Variants in STRAP observed in about 807,000 individuals in gnomAD.
STRAP encodes the protein serine/threonine kinase receptor associated protein, also known as serine-threonine kinase receptor-associated protein.
A neutral mutation model predicts 47.0 loss-of-function variants in STRAP; 16 were observed. The ratio of observed to expected loss-of-function variants is 0.34; its 90% CI spans 0.23 to 0.52. The LOEUF (loss-of-function observed/expected upper bound fraction) is 0.52. STRAP is among the 20% of genes least tolerant of loss of function. The pLI is 0.96. For synonymous variants in STRAP, 130 were observed against 142.7 expected (o/e 0.91, Z 0.63); for missense variants, 293 against 420.0 (o/e 0.70, Z 2.64).
intron 1 of STRAP, chr12:15,883,088 G>C (rs1208570785): frequency 6.5e-7 from 1 of 1,535,552 alleles, no homozygotes. Flanking sequence ...TGAAGGAGCT[G>C]GTCAGCATTT....
intron 2 of STRAP, among the ~76,000 whole-genome samples, chr12:15,884,234 CT>C (rs1249023889): frequency 6.6e-6 from 1 of 152,218 alleles, no homozygotes; most frequent in Admixed American, 6.5e-5. Context: ...GGGATGTCTC[CT>C]GACTCCAATG....
At chr12:15,895,335 C>T (rs1213909306) in intron 5 of STRAP, 24 bp from the exon 6 acceptor site, 2 of 1,494,766 alleles carry the variant, frequency 1.3e-6, no homozygotes, top group Non-Finnish European at 1.8e-6. Flanking sequence ...GAGTAAACAT[C>T]ATATTTTTAT....
In STRAP at chr12:15,889,835, C is replaced by G. The variant is rs896962755; in HGVS notation, c.249-93C>G. 1.4e-5 allele frequency: 13 copies of G among 938,754 alleles called. No individual in the cohort carries two copies. In the African/African-American group the frequency reaches 2.1e-4, roughly 16 times the overall value. 58.2% of individuals were successfully genotyped at this position (938,754 alleles called of 1,614,324 possible). A position where few individuals can be genotyped will look rare whatever the true frequency, so the allele number is the denominator to read the frequency against. On this transcript the variant is annotated intron_variant, in intron 2 of 9. Coordinates refer to ENST00000419869, the MANE Select transcript of STRAP (RefSeq NM_007178.4). ...TTTATGTAACATTTCACATATCTAA[C>G]TTATTTGGTACTCATCAATATTATA... is the stretch of plus-strand genomic sequence containing the variant.
chr12:15,882,790 A>G lies in STRAP; in HGVS notation c.83A>G (p.Tyr28Cys), dbSNP rs763765976. The change falls in exon 1 of 10, where the codon TAT (tyrosine) becomes TGT (cysteine). Residue 28 changes from tyrosine to cysteine, a missense_variant. Transcript: ENST00000419869. ...VDLAFSGITP[Y>C]GYFLISACKD... ...TTGGCCTTCAGTGGCATCACGCCTT[A>G]TGGGTATTTCTTAATCAGCGCTTGC... 1.9e-6 allele frequency: 3 copies of G among 1,613,706 alleles called. No homozygotes were observed. Among genetic ancestry groups the G allele is most frequent in the Non-Finnish European group, 2.5e-6 (3 of 1,179,920 alleles).
At chr12:15,900,405 C>G (rs1948093763) in intron 8 of STRAP, among the ~76,000 whole-genome samples, 1 of 151,882 alleles carries the variant, frequency 6.6e-6, no homozygotes. Flanking sequence ...TGGTACATGC[C>G]TGTAATCCCA....
chr12:15,901,264 C>CT (rs1259329899), intron 9 of STRAP, among the ~76,000 whole-genome samples: 1 of 151,918 alleles, frequency 6.6e-6, no homozygotes, highest in African/African-American at 2.4e-5. Flanking sequence ...GAGCTAGAGT[C>CT]TAACTTAGGA....
intron 7 of STRAP, 140 bp from the exon 8 acceptor site, chr12:15,899,764 G>T (rs761361039): frequency 1.3e-6 from 1 of 764,440 alleles, no homozygotes; most frequent in Non-Finnish European, 2.1e-6. Context: ...TTTGTGATGA[G>T]AAATTAATTA....
chr12:15,882,913 GA>G, intron 1 of STRAP, 94 bp downstream of exon 1: 1 of 1,385,118 alleles, frequency 7.2e-7, no homozygotes, highest in Admixed American at 2.0e-5. Context: ...GTGGTGTGGT[GA>G]GGGGGGAGGG....
intron 5 of STRAP, among the ~76,000 whole-genome samples, chr12:15,895,130 T>C (rs1049364471): frequency 6.6e-6 from 1 of 152,230 alleles, no homozygotes; most frequent in Admixed American, 6.5e-5. Context: ...AATTGGGAAG[T>C]GTATGTAGGT....
At chr12:15,889,301 G>A (rs961314493) in intron 2 of STRAP, among the ~76,000 whole-genome samples, 1 of 152,128 alleles carries the variant, frequency 6.6e-6, no homozygotes, top group Non-Finnish European at 1.5e-5. Context: ...AAAATAGTCA[G>A]TGTTAGCATT....
chr12:15,883,055 T>A, intron 1 of STRAP: 1 of 1,535,436 alleles, frequency 6.5e-7, no homozygotes, highest in South Asian at 1.2e-5. Flanking sequence ...CCTCTCTCCT[T>A]ATTTTATTTT....
rs1448135733 is a variant in STRAP at position 15,896,001 on chromosome 12, C to T, written c.638+505C>T. Among the ~76,000 whole-genome samples, 3 of 151,454 alleles carry T rather than the reference C, an allele frequency of 2.0e-5. No individual in the cohort carries two copies. Among genetic ancestry groups the T allele is most frequent in the Non-Finnish European group, 4.4e-5 (3 of 67,918 alleles). ...ACCTTGGGAGGCTGAGGTGGGCGGA[C>T]CACTTGAGGTTAGGGGATTGAGACC... On this transcript the variant is annotated intron_variant, in intron 6 of 9. Coordinates refer to ENST00000419869, the MANE Select transcript of STRAP (RefSeq NM_007178.4). This position sits in a 1 kb window ranked among gnomAD's most constrained non-coding sequence, Gnocchi z 4.1.
chr12:15,884,387 G>A (rs922354010), intron 2 of STRAP, among the ~76,000 whole-genome samples: 3 of 151,908 alleles, frequency 2.0e-5, no homozygotes, highest in African/African-American at 7.3e-5. Context: ...CTCTACTAAT[G>A]ATCTTCCTGT....
chr12:15,903,122 A>ACT lies in STRAP; in HGVS notation c.*145_*146dup, dbSNP rs909904224. 4 of 845,532 alleles carry ACT rather than the reference A, an allele frequency of 4.7e-6. No homozygotes were observed. Among genetic ancestry groups the ACT allele is most frequent in the Non-Finnish European group, 6.7e-6 (4 of 596,730 alleles). The allele number at this position is 845,532 out of a possible 1,614,324, so 52.4% of individuals were successfully genotyped here. On this transcript the variant is annotated 3_prime_UTR_variant, in exon 10 of 10. Coordinates refer to ENST00000419869, the MANE Select transcript of STRAP (RefSeq NM_007178.4). Reference sequence around the variant, plus strand: ...ATGAATTAGCTCCAGTGCTGGAACAACTAACTAACTTGGTGTTACCTGTAA... The same window carrying ACT: ...ATGAATTAGCTCCAGTGCTGGAACAACTCTAACTAACTTGGTGTTACCTGTAA...
chr12:15,886,732 A>G (rs936907529), intron 2 of STRAP, among the ~76,000 whole-genome samples: 1 of 152,144 alleles, frequency 6.6e-6, no homozygotes, highest in Non-Finnish European at 1.5e-5. Context: ...GGTATAAAGC[A>G]TTTTTAGAAA....
chr12:15,901,085 C>A, intron 9 of STRAP, 73 bp downstream of exon 9: 3 of 1,164,008 alleles, frequency 2.6e-6, no homozygotes, highest in Non-Finnish European at 1.2e-6. Context: ...AAGTTTTACT[C>A]ATTGGCAGAA....
rs968919139 is a variant in STRAP, at chr12:15,890,489, C to G, written c.331-108C>G. 5 of 922,754 alleles carry G rather than the reference C, an allele frequency of 5.4e-6. No individual in the cohort carries two copies. Among genetic ancestry groups the G allele is most frequent in the Non-Finnish European group, 8.6e-6 (5 of 581,598 alleles). The allele number at this position is 922,754 out of a possible 1,614,324, so 57.2% of individuals were successfully genotyped here. The stretch of plus-strand genomic sequence containing the variant: ...AGTAATTGGTTATGTCTTGGCATCT[C>G]TTTGTGATGTCTGTGAGCTAGATTT... On this transcript the variant is annotated intron_variant, in intron 3 of 9. Transcript: ENST00000419869. The surrounding 1 kb of genome is among the most constrained non-coding windows in gnomAD (Gnocchi z 4.5).
Position 15,887,883 on chromosome 12 carries a change from T to C in STRAP, c.249-2045T>C, listed in dbSNP as rs1591984125. ...GTTTATGGGAGATTATTTAATAAAC[T>C]TGAAATTAGCATATCAAAGGACATT... On this transcript the variant is annotated intron_variant, in intron 2 of 9. Transcript: ENST00000419869. The surrounding 1 kb of genome is among the most constrained non-coding windows in gnomAD (Gnocchi z 5.5). 2.0e-5 allele frequency among the ~76,000 whole-genome samples: 3 copies of C among 152,316 alleles called. No individual in the cohort carries two copies. In the South Asian group the frequency reaches 6.2e-4, roughly 32 times the overall value.
chr12:15,902,927 T>G lies in STRAP; in HGVS notation c.1002T>G (p.Ala334=). 1.3e-6 allele frequency: 2 copies of G among 1,521,026 alleles called. No homozygotes were observed. Among genetic ancestry groups the G allele is most frequent in the Non-Finnish European group, 8.7e-7 (1 of 1,145,348 alleles). The allele number at this position is 1,521,026 out of a possible 1,614,324, so 94.2% of individuals were successfully genotyped here. A position where few individuals can be genotyped will look rare whatever the true frequency, so the allele number is the denominator to read the frequency against. The change falls in exon 10 of 10, where the codon GCT becomes GCG. Residue 334 remains alanine (A), a synonymous_variant. Transcript: ENST00000419869. ...ETTEEELEEI[A]SENSDCIFPS... The stretch of plus-strand genomic sequence containing the variant: ...TTTTTTTACTTATAGAAGAAATTGC[T>G]TCAGAGAATTCAGATTGCATCTTTC...
Sources: allele counts gnomAD v4.1 joint callset (sites outside exome capture counted in the v4.1 genomes callset), GRCh38; gene constraint gnomAD v4.1.1; non-coding constraint Gnocchi (gnomAD v3.1); transcripts MANE v1.5; gene names NCBI Gene and HGNC (gene_info 2026-07-23, HGNC 2026-07-21).